Variants in MUC17 observed in about 807,000 individuals in gnomAD.
MUC17 encodes the protein mucin 17, cell surface associated, also known as mucin-17.
In MUC17, 190 loss-of-function variants were observed where a neutral mutation model predicts 170.3. The observed-to-expected ratio is 1.12, with a 90% CI of 0.99 to 1.26. MUC17 has a LOEUF of 1.26. Ranked by LOEUF, MUC17 falls within the 50% of genes most tolerant of loss-of-function variation. The probability of loss-of-function intolerance (pLI) is 0.00; values close to 1 mark genes in which losing one functional copy is unlikely to be tolerated. For synonymous variants in MUC17, 2,325 were observed against 2,002.5 expected, an observed-to-expected ratio of 1.16 and a Z score of -4.30; for missense variants, 6,415 against 5,530.0, an observed-to-expected ratio of 1.16 and a Z score of -5.08.
chr7:101,032,951 C>G lies in MUC17; in HGVS notation c.1535C>G (p.Pro512Arg), dbSNP rs1427146854. Reference sequence around the variant, plus strand: ...TCAACTCCTAGTGAAGGAAGCACTCCATTAACAAGTATGTCTGTCAGCACC... The same window carrying G: ...TCAACTCCTAGTGAAGGAAGCACTCGATTAACAAGTATGTCTGTCAGCACC... ...PTSTPSEGST[P>R]LTSMSVSTMP... is the part of the protein sequence containing the mutation. Residue 512 changes from proline (P) to arginine (R), a missense_variant, in exon 3 of 13, where the codon CCA becomes CGA. Pro to Arg is a moderately radical substitution (Grantham distance 103). Transcript: ENST00000306151. 19 of 1,613,984 alleles carry G rather than the reference C, an allele frequency of 1.2e-5. No individual in the cohort carries two copies. The highest frequency in any genetic ancestry group is 1.6e-5 in the Non-Finnish European group (19 of 1,180,026).
At position 101,032,987 on chromosome 7, in the gene MUC17, C is replaced by A; in HGVS notation, c.1571C>A (p.Ala524Asp). ...TSMSVSTMPV[A>D]SSEASTLSTT... is the part of the protein sequence containing the mutation. Reference sequence around the variant, plus strand: ...ATGTCTGTCAGCACCATGCCGGTGGCCAGTTCTGAGGCTAGCACCCTTTCA... The same window carrying A: ...ATGTCTGTCAGCACCATGCCGGTGGACAGTTCTGAGGCTAGCACCCTTTCA... The change falls in exon 3 of 13, where the codon GCC (alanine) becomes GAC (aspartate). Residue 524 changes from alanine to aspartate, a missense_variant. Ala to Asp is a moderately radical substitution (Grantham distance 126). Coordinates refer to ENST00000306151, the MANE Select transcript of MUC17 (RefSeq NM_001040105.2). 1 of 1,613,708 alleles carries A rather than the reference C, an allele frequency of 6.2e-7. No individual in the cohort carries two copies. The highest frequency in any genetic ancestry group is 8.5e-7 in the Non-Finnish European group (1 of 1,179,922).
Position 101,043,244 on chromosome 7 carries a change from G to A in MUC17, c.11828G>A (p.Ser3943Asn), listed in dbSNP as rs1324289901. The change falls in exon 3 of 13, where the codon AGC (serine) becomes AAC (asparagine). Residue 3943 changes from serine to asparagine, a missense_variant. Ser to Asn is a conservative substitution (Grantham distance 46). Transcript: ENST00000306151. Reference protein sequence around the residue: ...STPGTTIFIPSTPVTSSTADV... With the variant: ...STPGTTIFIPNTPVTSSTADV... Reference sequence around the variant, plus strand: ...CCTGGGACAACCATTTTTATTCCCAGCACTCCTGTCACCAGTTCTACTGCT... The same window carrying A: ...CCTGGGACAACCATTTTTATTCCCAACACTCCTGTCACCAGTTCTACTGCT... 6 of 1,614,012 alleles carry A rather than the reference G, an allele frequency of 3.7e-6. No individual in the cohort carries two copies. The highest frequency in any genetic ancestry group is 5.1e-6 in the Non-Finnish European group (6 of 1,180,036).
chr7:101,047,922 C>T, intron 3 of MUC17, 62 bp from the exon 4 acceptor site: 2 of 1,512,840 alleles, frequency 1.3e-6, no homozygotes, highest in East Asian at 2.4e-5. Context: ...GATCCCTGCT[C>T]CTTCCAGTGA....
Position 101,033,351 on chromosome 7 carries a change from G to A in MUC17, c.1935G>A (p.Glu645=). The change falls in exon 3 of 13, where the codon GAG becomes GAA. Residue 645 remains glutamate, a synonymous_variant. Transcript: ENST00000306151. The part of the protein sequence containing the change: ...SVSTTLVASS[E]ASTLSTTPVD... ...GCACCACACTGGTGGCCAGTTCTGA[G>A]GCTAGCACCCTTTCAACAACTCCTG... The A allele has an allele frequency of 3.1e-6, 5 of 1,613,846 alleles. No individual in the cohort carries two copies. The highest frequency in any genetic ancestry group is 4.2e-6 in the Non-Finnish European group (5 of 1,179,824).
intron 11 of MUC17, among the ~76,000 whole-genome samples, chr7:101,054,964 TG>T (rs1268005756): frequency 2.0e-5 from 3 of 151,916 alleles, no homozygotes; most frequent in Non-Finnish European, 4.4e-5. Flanking sequence ...AAAAATTAGC[TG>T]GACATGGTGG....
chr7:101,049,306 T>C lies in MUC17; in HGVS notation c.12664-18T>C, dbSNP rs929508403. On this transcript the variant is annotated intron_variant, in intron 5 of 12. Coordinates refer to ENST00000306151, the MANE Select transcript of MUC17 (RefSeq NM_001040105.2). ...CCGTGGTCCCTCTGGGATGACACAG[T>C]GGCCCCTTGCCTTTCAGATGAATAT... is the stretch of plus-strand genomic sequence containing the variant. The C allele has an allele frequency of 1.2e-6, 2 of 1,614,008 alleles. No individual in the cohort carries two copies. The highest frequency in any genetic ancestry group is 2.7e-5 in the African/African-American group (2 of 74,936).
chr7:101,049,271 C>T (rs994833154), intron 5 of MUC17, 53 bp from the exon 6 acceptor site: 21 of 1,612,772 alleles, frequency 1.3e-5, no homozygotes, highest in African/African-American at 2.7e-5. Context: ...TGATGTCCCA[C>T]AGAACGGCCC....
chr7:101,031,960 G>T lies in MUC17; in HGVS notation c.544G>T (p.Val182Phe), dbSNP rs1404927839. 6.2e-7 allele frequency: 1 copy of T among 1,613,922 alleles called. No individual in the cohort carries two copies. Among genetic ancestry groups the T allele is most frequent in the Non-Finnish European group, 8.5e-7 (1 of 1,180,022 alleles). ...FEAYTSLTYK[V>F]DMSTPLTTST... ...GGCCTACACATCTTTAACATATAAG[G>T]TTGATATGAGCACACCTCTGACCAC... Residue 182 changes from valine (V) to phenylalanine (F), a missense_variant, in exon 3 of 13, where the codon GTT becomes TTT. Val to Phe is a conservative substitution (Grantham distance 50). Coordinates refer to ENST00000306151, the MANE Select transcript of MUC17 (RefSeq NM_001040105.2).
At position 101,036,816 on chromosome 7, in the gene MUC17, C is replaced by A; in HGVS notation, c.5400C>A (p.Thr1800=). 1 of 1,605,634 alleles carries A rather than the reference C, an allele frequency of 6.2e-7. No individual in the cohort carries two copies. The change falls in exon 3 of 13, where the codon ACC becomes ACA. Residue 1800 remains threonine (T), a synonymous_variant. Coordinates refer to ENST00000306151, the MANE Select transcript of MUC17 (RefSeq NM_001040105.2). ...PTTAEGTSIP[T]STLSEGMTPL... Reference sequence around the variant, plus strand: ...CTGCTGAAGGTACCAGCATACCAACCTCGACTCTTAGTGAAGGAATGACTC... The same window carrying A: ...CTGCTGAAGGTACCAGCATACCAACATCGACTCTTAGTGAAGGAATGACTC...
intron 11 of MUC17, 160 bp downstream of exon 11, chr7:101,053,596 C>T: frequency 3.7e-6 from 2 of 543,072 alleles, no homozygotes; most frequent in Non-Finnish European, 6.5e-6. Flanking sequence ...CACAGCAAAA[C>T]TCTATCTCTT....
chr7:101,050,334 C>A, intron 6 of MUC17, 150 bp from the exon 7 acceptor site: 1 of 1,142,028 alleles, frequency 8.8e-7, no homozygotes. Context: ...ACTGTCCTGC[C>A]CCAAATGCCT....
chr7:101,058,157 A>C lies in MUC17; in HGVS notation c.*113A>C, dbSNP rs1021644284. 12 of 974,488 alleles carry C rather than the reference A, an allele frequency of 1.2e-5. No homozygotes were observed. Among genetic ancestry groups the C allele is most frequent in the African/African-American group, 1.1e-4 (7 of 61,820 alleles). The allele number at this position is 974,488 out of a possible 1,614,324, so 60.4% of individuals were successfully genotyped here. A position where few individuals can be genotyped will look rare whatever the true frequency, so the allele number is the denominator to read the frequency against. On this transcript the variant is annotated 3_prime_UTR_variant, in exon 13 of 13. Transcript: ENST00000306151. ...AACTCAATGTTCCCATTGTAAGTAC[A>C]GGAAACAAGCCCTGTACTTACCAAG...
Position 101,042,481 on chromosome 7 carries a change from C to G in MUC17, c.11065C>G (p.Pro3689Ala), listed in dbSNP as rs1419470866. 6.2e-7 allele frequency: 1 copy of G among 1,612,970 alleles called. No individual in the cohort carries two copies. The highest frequency in any genetic ancestry group is 1.3e-5 in the African/African-American group (1 of 74,608). The change falls in exon 3 of 13, where the codon CCT becomes GCT. Residue 3689 changes from proline (P) to alanine (A), a missense_variant. By Grantham distance (27) the Pro-to-Ala change is conservative. Coordinates refer to ENST00000306151, the MANE Select transcript of MUC17 (RefSeq NM_001040105.2). Reference protein sequence around the residue: ...PEGTTMPIWTPSEGSTPLTTM... With the variant: ...PEGTTMPIWTASEGSTPLTTM... ...AGGTACCACCATGCCAATCTGGACG[C>G]CTAGTGAAGGAAGCACTCCATTAAC...
chr7:101,048,021 C>A lies in MUC17; in HGVS notation c.12441C>A (p.Cys4147Ter). ...GDGCQNTASR[C>*]KNGGTWDGLK... Reference sequence around the variant, plus strand: ...GGTGCCAGAATACGGCCTCTCGCTGCAAGAATGGAGGCACCTGGGATGGGC... The same window carrying A: ...GGTGCCAGAATACGGCCTCTCGCTGAAAGAATGGAGGCACCTGGGATGGGC... The change falls in exon 4 of 13, where the codon TGC (cysteine) becomes TGA (stop). Residue 4147 changes from cysteine to a stop codon, truncating the protein, a stop_gained. Coordinates refer to ENST00000306151, the MANE Select transcript of MUC17 (RefSeq NM_001040105.2). LOFTEE classifies it high-confidence loss of function. 1 of 1,606,606 alleles carries A rather than the reference C, an allele frequency of 6.2e-7. No individual in the cohort carries two copies. Among genetic ancestry groups the A allele is most frequent in the Non-Finnish European group, 8.5e-7 (1 of 1,177,030 alleles).
chr7:101,037,297 T>G lies in MUC17; in HGVS notation c.5881T>G (p.Ser1961Ala). The G allele has an allele frequency of 6.2e-7, 1 of 1,605,656 alleles. No individual in the cohort carries two copies. The highest frequency in any genetic ancestry group is 8.5e-7 in the Non-Finnish European group (1 of 1,176,642). ...CACCAGGACACCTGTGACCACTTAT[T>G]CTCAAGCCAGTTCATCTCCTACAAC... is the stretch of plus-strand genomic sequence containing the variant. ...ADTRTPVTTY[S>A]QASSSPTTAD... Residue 1961 changes from serine to alanine, a missense_variant, in exon 3 of 13, where the codon TCT (serine) becomes GCT (alanine). Ser to Ala is a moderately conservative substitution (Grantham distance 99). Transcript: ENST00000306151.
chr7:101,032,769 C>G lies in MUC17; in HGVS notation c.1353C>G (p.Ser451Arg), dbSNP rs768407511. The G allele has an allele frequency of 1.2e-6, 2 of 1,614,102 alleles. No individual in the cohort carries two copies. Among genetic ancestry groups the G allele is most frequent in the Non-Finnish European group, 8.5e-7 (1 of 1,180,016 alleles). ...CAACCTCAACTCCTAGTGAAGGAAG[C>G]ACTCCATTAACAAGTATGCCTGTCA... ...SIATSTPSEG[S>R]TPLTSMPVST... The change falls in exon 3 of 13, where the codon AGC becomes AGG. Residue 451 changes from serine (S) to arginine (R), a missense_variant. Transcript: ENST00000306151.
chr7:101,031,085 G>A (rs753790328), intron 1 of MUC17, 35 bp from the exon 2 acceptor site: 2 of 1,588,066 alleles, frequency 1.3e-6, no homozygotes, highest in Admixed American at 3.5e-5. Flanking sequence ...GAAGATCATG[G>A]CTCTGGGATA....
Position 101,048,866 on chromosome 7 carries a change from C to A in MUC17, c.12557C>A (p.Ala4186Asp), listed in dbSNP as rs1308466486. The A allele has an allele frequency of 1.2e-6, 2 of 1,613,974 alleles. No homozygotes were observed. The highest frequency in any genetic ancestry group is 1.7e-6 in the Non-Finnish European group (2 of 1,179,992). Reference protein sequence around the residue: ...IDIGPPETISAQMELTVTVTS... With the variant: ...IDIGPPETISDQMELTVTVTS... ...TCAGGGCCACCGGAGACTATCTCTG[C>A]CCAAATGGAACTGACTGTGACAGTG... The change falls in exon 5 of 13, where the codon GCC (alanine) becomes GAC (aspartate). Residue 4186 changes from alanine to aspartate, a missense_variant. Transcript: ENST00000306151.
At position 101,040,554 on chromosome 7, in the gene MUC17, T is replaced by C; in HGVS notation, c.9138T>C (p.Thr3046=). The C allele has an allele frequency of 6.2e-7, 1 of 1,612,012 alleles. No individual in the cohort carries two copies. The highest frequency in any genetic ancestry group is 8.5e-7 in the Non-Finnish European group (1 of 1,179,392). Residue 3046 remains threonine (T), a synonymous_variant, in exon 3 of 13, where the codon ACT becomes ACC. Coordinates refer to ENST00000306151, the MANE Select transcript of MUC17 (RefSeq NM_001040105.2). ...IPISTPSEGS[T]PLTSIPVSTT... ...TCTCAACTCCTAGTGAAGGAAGTACTCCATTAACAAGTATACCTGTCAGCA... is the reference window on the plus strand; with the variant it reads ...TCTCAACTCCTAGTGAAGGAAGTACCCCATTAACAAGTATACCTGTCAGCA...
Sources: gnomAD v4.1 joint callset for allele counts (sites outside exome capture counted in the v4.1 genomes callset) on GRCh38, gnomAD v4.1.1 for gene constraint, MANE v1.5 for transcripts, NCBI Gene and HGNC (gene_info 2026-07-23, HGNC 2026-07-21) for gene names.